XIRP2: variants seen among roughly 807,000 people sequenced by gnomAD.
XIRP2 encodes the protein xin actin binding repeat containing 2.
A neutral mutation model predicts 277.0 loss-of-function variants in XIRP2; 236 were observed. The observed-to-expected ratio is 0.85, with a 90% CI of 0.77 to 0.95. XIRP2 has a LOEUF of 0.95. XIRP2 is among the 40% of genes least tolerant of loss of function. The probability of loss-of-function intolerance (pLI) is 0.00; values close to 1 mark genes in which losing one functional copy is unlikely to be tolerated. For synonymous variants in XIRP2, 1,490 were observed against 1,416.5 expected, an observed-to-expected ratio of 1.05 and a Z score of -1.17; for missense variants, 4,640 against 4,157.5, an observed-to-expected ratio of 1.12 and a Z score of -3.19.
At chr2:167,242,022 G>T (rs1695087571) in intron 8 of XIRP2, 112 bp downstream of exon 8, 15 of 1,347,746 alleles carry the variant, frequency 1.1e-5, no homozygotes, top group Non-Finnish European at 1.5e-5. Flanking sequence ...AAAAAATTCT[G>T]AACTGGCATT....
intron 2 of XIRP2, among the ~76,000 whole-genome samples, chr2:166,905,883 T>C (rs1426238231): frequency 1.3e-5 from 2 of 151,998 alleles, no homozygotes; most frequent in African/African-American, 4.8e-5. Context: ...AAATTTAAAA[T>C]TATATATTTC....
At chr2:167,072,000 A>T in intron 2 of XIRP2, among the ~76,000 whole-genome samples, 1 of 152,252 alleles carries the variant, frequency 6.6e-6, no homozygotes, top group Non-Finnish European at 1.5e-5. Context: ...AATTAGCAGG[A>T]ACTTAGCAGC....
intron 2 of XIRP2, among the ~76,000 whole-genome samples, chr2:166,958,142 C>T (rs1181716646): frequency 2.0e-5 from 3 of 151,892 alleles, no homozygotes; most frequent in African/African-American, 7.2e-5. Flanking sequence ...TGAATTTTAG[C>T]TTGCTGCCTG....
At chr2:166,913,262 G>C (rs1029069615) in intron 2 of XIRP2, among the ~76,000 whole-genome samples, 1 of 151,652 alleles carries the variant, frequency 6.6e-6, no homozygotes, top group Non-Finnish European at 1.5e-5. Context: ...CCCAGTTCGA[G>C]CTTCCTGGCC....
At chr2:167,044,350 T>C (rs1688736344) in intron 2 of XIRP2, among the ~76,000 whole-genome samples, 1 of 152,098 alleles carries the variant, frequency 6.6e-6, no homozygotes, top group Non-Finnish European at 1.5e-5. Flanking sequence ...GCATTCCCCT[T>C]GAGAAGTGGG....
Position 166,903,550 on chromosome 2 carries a change from G to A in XIRP2, c.68G>A (p.Arg23Lys). ...AAATGGGAATCTTGTGATTATCAGA[G>A]AAGTGAGTGTCATCCCAGGGACAGC... ...RQKWESCDYQ[R>K]SECHPRDSHC... is the part of the protein sequence containing the mutation. Residue 23 changes from arginine to lysine, a missense_variant, in exon 2 of 11, where the codon AGA (arginine) becomes AAA (lysine). Transcript: ENST00000409195. 1 of 1,613,590 alleles carries A rather than the reference G, an allele frequency of 6.2e-7. No homozygotes were observed. Among genetic ancestry groups the A allele is most frequent in the Non-Finnish European group, 8.5e-7 (1 of 1,179,746 alleles).
intron 2 of XIRP2, among the ~76,000 whole-genome samples, chr2:166,931,715 AT>A (rs1345201852): frequency 1.3e-5 from 2 of 152,012 alleles, no homozygotes. Context: ...ACTTTATTCA[AT>A]TTTTGAATAA....
At chr2:167,127,233 G>C (rs2105309935) in intron 2 of XIRP2, among the ~76,000 whole-genome samples, 1 of 152,278 alleles carries the variant, frequency 6.6e-6, no homozygotes, top group African/African-American at 2.4e-5. Context: ...TAGTTGTGCA[G>C]GTTTAAAGCA....
intron 2 of XIRP2, among the ~76,000 whole-genome samples, chr2:166,939,630 A>G (rs1574097277): frequency 6.8e-6 from 1 of 146,098 alleles, no homozygotes; most frequent in East Asian, 2.1e-4. Context: ...CAGTGAGCCG[A>G]GATCACGCCA....
At chr2:167,121,502 G>C (rs928584873) in intron 2 of XIRP2, among the ~76,000 whole-genome samples, 16 of 152,138 alleles carry the variant, frequency 1.1e-4, no homozygotes, top group African/African-American at 3.9e-4. Flanking sequence ...AAGCAGATTA[G>C]ATTTAAAAGG....
chr2:167,242,745 A>G lies in XIRP2; in HGVS notation c.1353A>G (p.Glu451=), dbSNP rs1448645607. Residue 451 remains glutamate (E), a synonymous_variant, in exon 9 of 11, where the codon GAA becomes GAG. Transcript: ENST00000409195. ...INATSSGMTE[E]FPPPPPDVLQ... ...CTACTTCTTCAGGAATGACAGAAGA[A>G]TTTCCTCCTCCCCCACCTGACGTAC... is the stretch of plus-strand genomic sequence containing the variant. The G allele has an allele frequency of 6.2e-7, 1 of 1,614,056 alleles. No individual in the cohort carries two copies. Among genetic ancestry groups the G allele is most frequent in the South Asian group, 1.1e-5 (1 of 91,082 alleles).
chr2:166,943,125 A>G (rs1310404458), intron 2 of XIRP2, among the ~76,000 whole-genome samples: 3 of 152,170 alleles, frequency 2.0e-5, no homozygotes, highest in African/African-American at 7.2e-5. Context: ...GTTATTCACA[A>G]TAAAAACATT....
chr2:167,129,188 CTCTTTATG>C (rs1243165537), intron 2 of XIRP2, among the ~76,000 whole-genome samples: 1 of 152,072 alleles, frequency 6.6e-6, no homozygotes, highest in African/African-American at 2.4e-5. Context: ...TTTTGCTCTT[CTCTTTATG>C]TCTGTGTAAA....
chr2:167,249,252 A>T lies in XIRP2; in HGVS notation c.7860A>T (p.Ile2620=), dbSNP rs1695389264. The part of the protein sequence containing the change: ...PSPGSQSNAR[I]LGVCSDNQLS... ...CAGGCTCTCAAAGTAATGCTCGGAT[A>T]CTAGGAGTGTGTTCTGATAACCAAC... Residue 2620 remains isoleucine, a synonymous_variant, in exon 9 of 11, where the codon ATA becomes ATT. Coordinates refer to ENST00000409195, the MANE Select transcript of XIRP2 (RefSeq NM_152381.6). The T allele has an allele frequency of 1.2e-6, 2 of 1,613,828 alleles. No homozygotes were observed. The highest frequency in any genetic ancestry group is 1.7e-6 in the Non-Finnish European group (2 of 1,179,804).
intron 2 of XIRP2, among the ~76,000 whole-genome samples, chr2:167,027,474 G>A (rs1574180175): frequency 6.6e-6 from 1 of 152,010 alleles, no homozygotes; most frequent in African/African-American, 2.4e-5. Context: ...GCTCGGAGTA[G>A]TTTGATTGTC....
chr2:166,890,195 G>A (rs1374460348), intron 1 of XIRP2, among the ~76,000 whole-genome samples: 2 of 151,702 alleles, frequency 1.3e-5, no homozygotes, highest in South Asian at 2.1e-4. Context: ...GGGTTTCACC[G>A]TGTTAGCCAG....
At chr2:166,932,462 C>A (rs1415470356) in intron 2 of XIRP2, among the ~76,000 whole-genome samples, 2 of 152,080 alleles carry the variant, frequency 1.3e-5, no homozygotes, top group Non-Finnish European at 2.9e-5. Context: ...AATCCTCCCA[C>A]CTCAGCTGAA....
At chr2:167,225,001 A>G (rs1037669589) in intron 5 of XIRP2, among the ~76,000 whole-genome samples, 25 of 152,330 alleles carry the variant, frequency 1.6e-4, no homozygotes, top group African/African-American at 6.0e-4. Context: ...AAAAATTATA[A>G]TAGCAAGTCT....
chr2:167,217,858 A>G (rs1205207391), intron 4 of XIRP2, among the ~76,000 whole-genome samples: 2 of 152,142 alleles, frequency 1.3e-5, no homozygotes, highest in East Asian at 3.9e-4. Context: ...TGTATATTAC[A>G]GGAGAAATAC....
Sources: gnomAD v4.1 joint callset for allele counts (sites outside exome capture counted in the v4.1 genomes callset) on GRCh38, gnomAD v4.1.1 for gene constraint, MANE v1.5 for transcripts, NCBI Gene and HGNC (gene_info 2026-07-23, HGNC 2026-07-21) for gene names.